XPC: variants seen among roughly 807,000 people sequenced by gnomAD.
The protein encoded by XPC is XPC complex subunit, DNA damage recognition and repair factor, also known as DNA repair protein complementing XP-C cells.
In XPC, 76 loss-of-function variants were observed where a neutral mutation model predicts 95.8. The observed-to-expected ratio is 0.79, with a 90% CI of 0.66 to 0.96. The LOEUF is 0.96. Ranked by LOEUF, XPC falls within the 40% of genes least tolerant of loss-of-function variation. XPC has a pLI of 0.00. For missense variants in XPC, 1,146 were observed against 1,179.8 expected (o/e 0.97, Z 0.42); for synonymous variants, 442 against 442.1 (o/e 1.00, Z 0.00).
At chr3:14,167,649 T>C (rs968190379) in intron 4 of XPC, among the ~76,000 whole-genome samples, 1 of 152,234 alleles carries the variant, frequency 6.6e-6, no homozygotes, top group African/African-American at 2.4e-5. Context: ...ACTGTTCTAG[T>C]GTAAAATCTC....
intron 10 of XPC, chr3:14,153,360 A>C (rs1357779802): frequency 6.6e-6 from 1 of 152,288 alleles, no homozygotes; most frequent in Admixed American, 6.5e-5. Context: ...ATGCAAAAGC[A>C]ATATGCACTT....
Position 14,158,413 on chromosome 3 carries a change from G to A in XPC, c.1470C>T (p.Ser490=). 1 of 1,613,792 alleles carries A rather than the reference G, an allele frequency of 6.2e-7. No individual in the cohort carries two copies. The highest frequency in any genetic ancestry group is 1.3e-5 in the African/African-American group (1 of 74,978). ...SKSASRTHRG[S]HRKDPSLPAA... is the part of the protein sequence containing the mutation. ...CTGGCAAGCTTGGGTCCTTACGATG[G>A]CTCCCACGATGGGTCCTGGAGGCAC... is the stretch of plus-strand genomic sequence containing the variant. Residue 490 remains serine, a synonymous_variant, in exon 9 of 16, where the codon AGC becomes AGT. Coordinates refer to ENST00000285021, the MANE Select transcript of XPC (RefSeq NM_004628.5). The surrounding 1 kb of genome is among the most constrained non-coding windows in gnomAD (Gnocchi z 5.2).
intron 10 of XPC, chr3:14,152,712 G>C (rs940134847): frequency 1.6e-5 from 5 of 322,290 alleles, no homozygotes; most frequent in African/African-American, 1.1e-4. Flanking sequence ...GAGCCTGTGA[G>C]AGCTCCAGCT....
chr3:14,145,822 CAG>C lies in XPC; in HGVS notation c.*117_*118del. Reference sequence around the variant, plus strand: ...GACCCCGCCTCCGTGCATGCTGCCTCAGTTTGCCTTCTCAGCAGAGAAGCCCC... The same window carrying C: ...GACCCCGCCTCCGTGCATGCTGCCTCTTTGCCTTCTCAGCAGAGAAGCCCC... On this transcript the variant is annotated 3_prime_UTR_variant, in exon 16 of 16. Transcript: ENST00000285021. 1 of 1,274,412 alleles carries C rather than the reference CAG, an allele frequency of 7.8e-7. No individual in the cohort carries two copies. The highest frequency in any genetic ancestry group is 1.1e-6 in the Non-Finnish European group (1 of 899,058). 78.9% of individuals were successfully genotyped at this position (1,274,412 alleles called of 1,614,324 possible).
chr3:14,156,709 CT>C (rs1695926741), intron 9 of XPC, among the ~76,000 whole-genome samples: 1 of 152,194 alleles, frequency 6.6e-6, no homozygotes, highest in Non-Finnish European at 1.5e-5. Flanking sequence ...AAATCTGTGG[CT>C]TGTGGCAACT....
At chr3:14,167,306 T>G in intron 4 of XPC, 53 bp from the exon 5 acceptor site, 1 of 1,484,314 alleles carries the variant, frequency 6.7e-7, no homozygotes, top group Non-Finnish European at 9.2e-7. Context: ...GAAACCAGAC[T>G]CCACTCCCCC....
chr3:14,156,438 G>T lies in XPC; in HGVS notation c.1930C>A (p.His644Asn). 1.2e-6 allele frequency: 2 copies of T among 1,614,000 alleles called. No individual in the cohort carries two copies. The highest frequency in any genetic ancestry group is 1.6e-4 in the Middle Eastern group (1 of 6,062). The part of the protein sequence containing the change: ...LPTAIGLYKN[H>N]PLYALKRHLL... Reference sequence around the variant, plus strand: ...TGCCGCTTCAGGGCATACAGAGGGTGGTTCTTATATAAGCCAATGGCAGTG... The same window carrying T: ...TGCCGCTTCAGGGCATACAGAGGGTTGTTCTTATATAAGCCAATGGCAGTG... The change falls in exon 10 of 16, where the codon CAC becomes AAC. Residue 644 changes from histidine to asparagine, a missense_variant. By Grantham distance (68) the His-to-Asn change is moderately conservative. Transcript: ENST00000285021.
In XPC at chr3:14,178,464, A is replaced by C. The variant is rs1553608616; in HGVS notation, c.103+2T>G. On this transcript the variant is annotated splice_donor_variant, in intron 1 of 15. Coordinates refer to ENST00000285021, the MANE Select transcript of XPC (RefSeq NM_004628.5). LOFTEE classifies it high-confidence loss of function. ...GCGAAGCCCGCTGGGCCTCGCTCTC[A>C]CCCTCCTCCTCCTCCTCACGCCGGG... The C allele has an allele frequency of 1.9e-6, 3 of 1,605,620 alleles. No individual in the cohort carries two copies. The highest frequency in any genetic ancestry group is 2.6e-6 in the Non-Finnish European group (3 of 1,176,244).
chr3:14,159,627 G>T, intron 8 of XPC, 114 bp downstream of exon 8: 1 of 1,103,456 alleles, frequency 9.1e-7, no homozygotes. Context: ...AGGCTCGAAA[G>T]AACCCACACT....
At chr3:14,170,357 T>A (rs1696559277) in intron 3 of XPC, 81 bp downstream of exon 3, 1 of 1,310,796 alleles carries the variant, frequency 7.6e-7, no homozygotes, top group Non-Finnish European at 1.1e-6. Context: ...AGGATTGCAA[T>A]TAGTGATCTG....
chr3:14,148,139 C>A (rs906809654), intron 13 of XPC, 138 bp from the exon 14 acceptor site: 5 of 715,082 alleles, frequency 7.0e-6, no homozygotes, highest in Non-Finnish European at 1.2e-5. Flanking sequence ...GCCAGTGTCC[C>A]ACATCCTCCG....
intron 7 of XPC, among the ~76,000 whole-genome samples, chr3:14,161,814 A>G (rs1002626381): frequency 6.6e-6 from 1 of 151,684 alleles, no homozygotes; most frequent in Admixed American, 6.6e-5. Flanking sequence ...TCCTAGCCAG[A>G]GCAATTAGGC....
chr3:14,158,243 C>G lies in XPC; in HGVS notation c.1640G>C (p.Cys547Ser). 1 of 1,613,968 alleles carries G rather than the reference C, an allele frequency of 6.2e-7. No homozygotes were observed. The highest frequency in any genetic ancestry group is 2.2e-5 in the East Asian group (1 of 44,876). The change falls in exon 9 of 16, where the codon TGT (cysteine) becomes TCT (serine). Residue 547 changes from cysteine to serine, a missense_variant. Transcript: ENST00000285021. The surrounding 1 kb of genome is among the most constrained non-coding windows in gnomAD (Gnocchi z 5.2). The stretch of plus-strand genomic sequence containing the variant: ...AGGCTGGCCCACCACACCGTGCACA[C>G]AGTCTACACATACCCACTTTTCCTC... The part of the protein sequence containing the change: ...EQEEKWVCVD[C>S]VHGVVGQPLT...
chr3:14,160,926 G>A (rs758577535), intron 7 of XPC, among the ~76,000 whole-genome samples: 2 of 152,168 alleles, frequency 1.3e-5, no homozygotes, highest in Non-Finnish European at 2.9e-5. Flanking sequence ...GGACTCTAAA[G>A]AGGATTAGAC....
chr3:14,145,852 C>T lies in XPC; in HGVS notation c.*89G>A, dbSNP rs5031057. The stretch of plus-strand genomic sequence containing the variant: ...TGCCTTCTCAGCAGAGAAGCCCCCA[C>T]CACCAGGGGCTGGGCATGCCCAGGG... On this transcript the variant is annotated 3_prime_UTR_variant, in exon 16 of 16. Coordinates refer to ENST00000285021, the MANE Select transcript of XPC (RefSeq NM_004628.5). The T allele has an allele frequency of 3.3e-6, 5 of 1,501,880 alleles. No individual in the cohort carries two copies. In the African/African-American group the frequency reaches 5.6e-5, roughly 17 times the overall value. The allele number at this position is 1,501,880 out of a possible 1,614,324, so 93.0% of individuals were successfully genotyped here.
chr3:14,164,584 A>T, intron 7 of XPC: 1 of 461,714 alleles, frequency 2.2e-6, no homozygotes, highest in Non-Finnish European at 3.8e-6. Context: ...AGGAAAGCAT[A>T]CAGGCCCTCC....
intron 1 of XPC, among the ~76,000 whole-genome samples, chr3:14,174,451 G>A (rs1033979730): frequency 2.0e-5 from 3 of 152,156 alleles, no homozygotes; most frequent in Non-Finnish European, 2.9e-5. Flanking sequence ...AATGCACGTA[G>A]GAGGATACTT....
At chr3:14,155,447 C>A (rs977049563) in intron 10 of XPC, among the ~76,000 whole-genome samples, 4 of 151,856 alleles carry the variant, frequency 2.6e-5, no homozygotes, top group Non-Finnish European at 5.9e-5. Flanking sequence ...TAACATTTTT[C>A]AATTTTAATT....
intron 2 of XPC, among the ~76,000 whole-genome samples, chr3:14,171,914 T>C (rs576584391): frequency 6.6e-5 from 10 of 152,220 alleles, no homozygotes; most frequent in African/African-American, 2.4e-4. Context: ...AAAATCATCA[T>C]GCTGTCCCGT....
Sources: allele counts gnomAD v4.1 joint callset (sites outside exome capture counted in the v4.1 genomes callset), GRCh38; gene constraint gnomAD v4.1.1; non-coding constraint Gnocchi (gnomAD v3.1); transcripts MANE v1.5; gene names NCBI Gene and HGNC (gene_info 2026-07-23, HGNC 2026-07-21).